Variants in PPP1R12C observed in about 807,000 individuals in gnomAD.
PPP1R12C encodes the protein leukocyte receptor cluster (LRC) encoded novel gene 3.
In PPP1R12C, 48 loss-of-function variants were observed where a neutral mutation model predicts 95.6. The observed-to-expected ratio is 0.50, with a 90% CI of 0.40 to 0.64. The LOEUF (loss-of-function observed/expected upper bound fraction) is 0.64, where lower values mean the gene tolerates loss of function less well. Ranked by LOEUF, PPP1R12C falls within the 30% of genes least tolerant of loss-of-function variation. The pLI is 0.00. For synonymous variants in PPP1R12C, 480 were observed against 460.8 expected, an observed-to-expected ratio of 1.04 and a Z score of -0.53; for missense variants, 1,057 against 1,083.3, an observed-to-expected ratio of 0.98 and a Z score of 0.34.
At chr19:55,116,405 G>A (rs1352738275) in intron 1 of PPP1R12C, among the ~76,000 whole-genome samples, 1 of 152,094 alleles carries the variant, frequency 6.6e-6, no homozygotes, top group Non-Finnish European at 1.5e-5. Context: ...GAGCATCCTT[G>A]GGCAGCAACA....
chr19:55,092,610 C>A lies in PPP1R12C; in HGVS notation c.1952+12G>T, dbSNP rs747689675. 52 of 1,536,400 alleles carry A rather than the reference C, an allele frequency of 3.4e-5. No individual in the cohort carries two copies. Among genetic ancestry groups the A allele is most frequent in the Non-Finnish European group, 4.5e-5 (52 of 1,144,130 alleles). ...CCGCACGCAGACCCCACCTCTCCCA[C>A]CCCGCCCCTACCTGGACTCCTGGCT... is the stretch of plus-strand genomic sequence containing the variant. On this transcript the variant is annotated intron_variant, in intron 17 of 21. Coordinates refer to ENST00000263433, the MANE Select transcript of PPP1R12C (RefSeq NM_017607.4).
At chr19:55,095,769 C>A (rs1278110765) in intron 9 of PPP1R12C, 98 bp downstream of exon 9, 2 of 1,533,558 alleles carry the variant, frequency 1.3e-6, no homozygotes, top group Non-Finnish European at 1.8e-6. Flanking sequence ...GAACTATAGT[C>A]TTCCCCCTAT....
rs1039836207 is a variant in PPP1R12C, at chr19:55,096,272, T to G, written c.1015A>C (p.Lys339Gln). The change falls in exon 7 of 22, where the codon AAA becomes CAA. Residue 339 changes from lysine (K) to glutamine (Q), a missense_variant. Physicochemically the swap from Lys to Gln is moderately conservative, Grantham distance 53 (BLOSUM62 1). Around this residue, in one of 5 missense-constraint regions of PPP1R12C, gnomAD observed 356 missense variants for 330.5 expected, o/e 1.08. Coordinates refer to ENST00000263433, the MANE Select transcript of PPP1R12C (RefSeq NM_017607.4). The part of the protein sequence containing the change: ...GQEPQAPSSS[K>Q]HRRSSVCRLS... ...CCTCCCTCCCTATACCTTCTGTGTT[T>G]GCTGCTAGAGGGCGCTTGGGGCTCC... 1.9e-6 allele frequency: 3 copies of G among 1,613,800 alleles called. No homozygotes were observed. In the African/African-American group the frequency reaches 4.0e-5, roughly 22 times the overall value.
chr19:55,107,818 T>C (rs1252685540), intron 3 of PPP1R12C, among the ~76,000 whole-genome samples: 2 of 151,266 alleles, frequency 1.3e-5, no homozygotes. Flanking sequence ...GTTGTACACA[T>C]GTACCATAGA....
At chr19:55,092,005 G>A (rs2147175184) in intron 19 of PPP1R12C, 96 bp from the exon 20 acceptor site, 1 of 1,482,758 alleles carries the variant, frequency 6.7e-7, no homozygotes. Flanking sequence ...CGCCCACTAG[G>A]CAGCCCACAA....
chr19:55,113,056 AG>A (rs1432113485), intron 1 of PPP1R12C: 5 of 573,126 alleles, frequency 8.7e-6, no homozygotes, highest in Non-Finnish European at 1.2e-5. Flanking sequence ...CGGGGAAGGG[AG>A]GGGGCTTCTC....
At chr19:55,095,385 G>C (rs1334356670) in intron 10 of PPP1R12C, 27 bp from the exon 11 acceptor site, 2 of 1,578,530 alleles carry the variant, frequency 1.3e-6, no homozygotes, top group Non-Finnish European at 1.7e-6. Context: ...AGGGGAGGAA[G>C]GGGCAGTTCC....
At chr19:55,094,488 C>A (rs970216720) in intron 12 of PPP1R12C, 53 bp from the exon 13 acceptor site, 121 of 1,607,718 alleles carry the variant, frequency 7.5e-5, no homozygotes, top group Middle Eastern at 1.6e-4. Context: ...CTGTCCCATT[C>A]CGTGGCTGAC....
chr19:55,103,749 C>T (rs1238443872), intron 3 of PPP1R12C, among the ~76,000 whole-genome samples, 181 bp from the exon 4 acceptor site: 1 of 152,080 alleles, frequency 6.6e-6, no homozygotes, highest in Non-Finnish European at 1.5e-5. Flanking sequence ...TCCATGCAGT[C>T]GTGTGTCCCA....
intron 1 of PPP1R12C, among the ~76,000 whole-genome samples, 161 bp downstream of exon 1, chr19:55,117,062 A>T (rs533183792): frequency 5.3e-5 from 8 of 151,384 alleles, no homozygotes; most frequent in Non-Finnish European, 1.0e-4. Flanking sequence ...TCGAAGGGGA[A>T]TGGTAAGGGG....
intron 3 of PPP1R12C, among the ~76,000 whole-genome samples, chr19:55,110,057 T>C (rs903369835): frequency 2.0e-5 from 3 of 152,120 alleles, no homozygotes; most frequent in East Asian, 1.9e-4. Flanking sequence ...TCTGAGAAGC[T>C]GATGCAAGTT....
intron 3 of PPP1R12C, among the ~76,000 whole-genome samples, chr19:55,105,386 T>C (rs187190906): frequency 6.6e-6 from 1 of 152,358 alleles, no homozygotes; most frequent in African/African-American, 2.4e-5. Flanking sequence ...GTGTTCAACA[T>C]GTTGCTGAGA....
Position 55,109,856 on chromosome 19 carries a change from T to A in PPP1R12C, c.571+2611A>T, listed in dbSNP as rs2085076568. On this transcript the variant is annotated intron_variant, in intron 3 of 21. Transcript: ENST00000263433. The surrounding 1 kb of genome is among the most constrained non-coding windows in gnomAD (Gnocchi z 4.4). ...TGAGGCTCCTGTGTGGAGCCGGGTG[T>A]CACAGGGTGTCACAGGCAGTCGCCT... is the stretch of plus-strand genomic sequence containing the variant. Among the ~76,000 whole-genome samples the A allele has an allele frequency of 6.6e-6, 1 of 151,982 alleles. No homozygotes were observed. The highest frequency in any genetic ancestry group is 6.5e-5 in the Admixed American group (1 of 15,280).
At chr19:55,100,827 T>C (rs1356664751) in intron 4 of PPP1R12C, among the ~76,000 whole-genome samples, 1 of 151,946 alleles carries the variant, frequency 6.6e-6, no homozygotes, top group Non-Finnish European at 1.5e-5. Context: ...TTAGCCAGGC[T>C]GGTCTTGAAC....
At chr19:55,105,837 G>A (rs1454495095) in intron 3 of PPP1R12C, among the ~76,000 whole-genome samples, 1 of 152,034 alleles carries the variant, frequency 6.6e-6, no homozygotes, top group Admixed American at 6.6e-5. Context: ...AGCTACTTGG[G>A]AGGCTGAGAT....
At position 55,117,232 on chromosome 19, in the gene PPP1R12C, G is replaced by C; in HGVS notation, c.312C>G (p.Ala104=). The C allele has an allele frequency of 1.6e-6, 2 of 1,225,026 alleles. No homozygotes were observed. Among genetic ancestry groups the C allele is most frequent in the Non-Finnish European group, 2.0e-6 (2 of 983,744 alleles). 75.9% of individuals were successfully genotyped at this position (1,225,026 alleles called of 1,614,324 possible). Residue 104 remains alanine (A), a synonymous_variant, in exon 1 of 22, where the codon GCC becomes GCG. Coordinates refer to ENST00000263433, the MANE Select transcript of PPP1R12C (RefSeq NM_017607.4). ...GGCGGGGGGCGCTGACCTGGTGCAG[G>C]GCGCTGATACCGTCGGCGTTGGTGG... ...LDSTNADGIS[A]LHQACIDENL... is the part of the protein sequence containing the mutation.
intron 6 of PPP1R12C, among the ~76,000 whole-genome samples, chr19:55,097,513 C>A (rs1330143353): frequency 8.1e-5 from 11 of 135,702 alleles, no homozygotes; most frequent in African/African-American, 3.2e-4. Context: ...CACCCCTACC[C>A]CGCACAGTTC....
At chr19:55,104,680 A>G (rs990322753) in intron 3 of PPP1R12C, among the ~76,000 whole-genome samples, 3 of 151,472 alleles carry the variant, frequency 2.0e-5, no homozygotes, top group African/African-American at 7.3e-5. Context: ...CCTGGGTGAT[A>G]GAGTGAGACT....
At chr19:55,094,640 T>C in intron 12 of PPP1R12C, 21 bp downstream of exon 12, 1 of 1,562,618 alleles carries the variant, frequency 6.4e-7, no homozygotes, top group South Asian at 1.2e-5. Flanking sequence ...GGGCGGCAGC[T>C]TCCTGCCCTG....
Sources: gnomAD v4.1 joint callset for allele counts (sites outside exome capture counted in the v4.1 genomes callset) on GRCh38, gnomAD v4.1.1 for gene constraint, gnomAD v4.1.1 regional missense constraint, Gnocchi (gnomAD v3.1) non-coding constraint, MANE v1.5 for transcripts, NCBI Gene and HGNC (gene_info 2026-07-23, HGNC 2026-07-21) for gene names.